The following TTC23L variants were observed in gnomAD, a reference collection of about 807,000 sequenced individuals.
TTC23L encodes tetratricopeptide repeat domain 23 like.
TTC23L carries 42 observed loss-of-function variants against 48.1 expected under a neutral mutation model. The observed-to-expected ratio is 0.87, with a 90% confidence interval of 0.68 to 1.13. The LOEUF is 1.13. TTC23L is among the 50% of genes most tolerant of loss of function. TTC23L has a pLI of 0.00. For missense variants in TTC23L, 391 were observed against 421.0 expected (o/e 0.93, Z 0.62); for synonymous variants, 159 against 157.2 (o/e 1.01, Z -0.09).
chr5:34,903,011 T>A (rs934572824), downstream of TTC23L, among the ~76,000 whole-genome samples: 6 of 152,086 alleles, frequency 3.9e-5, 1 homozygote, highest in South Asian at 4.2e-4. Context: ...GACTCCATTT[T>A]GGGTGGCACC....
At chr5:34,875,527 T>C (rs1344368392) in intron 8 of TTC23L, among the ~76,000 whole-genome samples, 1 of 152,062 alleles carries the variant, frequency 6.6e-6, no homozygotes, top group Non-Finnish European at 1.5e-5. Context: ...CTGCTTGCTT[T>C]TATCCTAGCC....
the TTC23L span, chr5:34,905,881 T>C: frequency 6.6e-6 from 1 of 152,218 alleles, no homozygotes; most frequent in Admixed American, 6.5e-5. Context: ...GATGTTAGGG[T>C]GACTTAGAAA....
chr5:34,880,410 A>C (rs1451814859), intron 9 of TTC23L, 102 bp downstream of exon 9: 17 of 1,217,312 alleles, frequency 1.4e-5, no homozygotes, highest in Non-Finnish European at 1.8e-5. Flanking sequence ...GATAGGTCCC[A>C]GATAAAACTA....
chr5:34,885,477 A>G (rs1762487295), intron 9 of TTC23L, among the ~76,000 whole-genome samples: 2 of 152,182 alleles, frequency 1.3e-5, no homozygotes, highest in Non-Finnish European at 2.9e-5. Flanking sequence ...GCGATGGCTC[A>G]TGCCTGTCTG....
the TTC23L span, chr5:34,911,537 G>A: frequency 2.5e-6 from 4 of 1,613,228 alleles, no homozygotes; most frequent in South Asian, 4.4e-5. Context: ...AACTATAACT[G>A]CACTGCTCTC....
At chr5:34,915,478 G>A in the TTC23L span, 2 of 409,636 alleles carry the variant, frequency 4.9e-6, no homozygotes, top group Middle Eastern at 6.6e-4. Flanking sequence ...GAGGAGCGAG[G>A]CGGCTCCGAG....
the TTC23L span, among the ~76,000 whole-genome samples, chr5:34,910,275 G>C: frequency 6.6e-6 from 1 of 152,070 alleles, no homozygotes; most frequent in African/African-American, 2.4e-5. Context: ...TCACTGAGGA[G>C]ATCCCCTGAA....
chr5:34,860,944 C>G (rs2150389747), intron 4 of TTC23L: 1 of 160,306 alleles, frequency 6.2e-6, no homozygotes. Flanking sequence ...GTGCCGTTAG[C>G]CTTTTCCCAC....
chr5:34,841,530 C>T (rs907075029), intron 2 of TTC23L, among the ~76,000 whole-genome samples: 24 of 152,088 alleles, frequency 1.6e-4, no homozygotes, highest in African/African-American at 5.6e-4. Flanking sequence ...TGTTTTGTTT[C>T]GTTTTTAGAG....
At chr5:34,865,423 A>T (rs13167483) in intron 6 of TTC23L, among the ~76,000 whole-genome samples, 2 of 152,094 alleles carry the variant, frequency 1.3e-5, no homozygotes, top group Admixed American at 1.3e-4. Context: ...ACTTAAGTCC[A>T]CAGGGCAATA....
At chr5:34,913,411 T>C in the TTC23L span, 1 of 971,256 alleles carries the variant, frequency 1.0e-6, no homozygotes. Flanking sequence ...AATAACTTCC[T>C]GTATTTTTCT....
At chr5:34,868,799 C>T in intron 7 of TTC23L, 106 bp from the exon 8 acceptor site, 1 of 870,512 alleles carries the variant, frequency 1.1e-6, no homozygotes. Context: ...GCACAAGACT[C>T]ATAGCTAGGA....
chr5:34,918,358 C>T, the TTC23L span: 1 of 1,346,242 alleles, frequency 7.4e-7, no homozygotes, highest in South Asian at 1.2e-5. Flanking sequence ...TTTTCTTTTT[C>T]TTTAGGGAAA....
At chr5:34,872,828 C>T (rs1435613991) in intron 8 of TTC23L, among the ~76,000 whole-genome samples, 2 of 152,022 alleles carry the variant, frequency 1.3e-5, no homozygotes, top group Non-Finnish European at 2.9e-5. Context: ...TTTGAGAGGC[C>T]GAGGCAGGTA....
chr5:34,910,409 G>A, the TTC23L span, among the ~76,000 whole-genome samples: 1 of 151,684 alleles, frequency 6.6e-6, no homozygotes, highest in African/African-American at 2.4e-5. Flanking sequence ...GTCATGACAA[G>A]GGCCTGTGAT....
At chr5:34,917,360 G>A in the TTC23L span, among the ~76,000 whole-genome samples, 2 of 152,124 alleles carry the variant, frequency 1.3e-5, no homozygotes, top group Admixed American at 6.5e-5. Context: ...ATGGTCCAGC[G>A]TGGTGGCTCA....
downstream of TTC23L, chr5:34,902,450 C>G (rs1031023738): frequency 1.2e-5 from 4 of 346,086 alleles, no homozygotes; most frequent in East Asian, 8.7e-5. Context: ...GCTCAAAGAC[C>G]CTGTGTCTTT....
chr5:34,864,779 T>C (rs146196716), intron 6 of TTC23L, among the ~76,000 whole-genome samples: 228 of 152,290 alleles, frequency 1.5e-3, no homozygotes, highest in Admixed American at 3.5e-3. Flanking sequence ...ATTATTTTAT[T>C]AAAGGGGGGT....
chr5:34,922,452 T>G, the TTC23L span: 1 of 948,776 alleles, frequency 1.1e-6, no homozygotes, highest in Non-Finnish European at 1.6e-6. Context: ...TGTATAAATA[T>G]TATAAGCATA....
Sources: gnomAD v4.1 joint callset for allele counts (sites outside exome capture counted in the v4.1 genomes callset) on GRCh38, gnomAD v4.1.1 for gene constraint, MANE v1.5 for transcripts, NCBI Gene and HGNC (gene_info 2026-07-23, HGNC 2026-07-21) for gene names.